The following ANKRD36 variants were observed in gnomAD, a reference collection of about 807,000 sequenced individuals.
ANKRD36 encodes the protein ankyrin repeat domain 36, also known as ankyrin repeat domain-containing protein 36A.
A neutral mutation model predicts 278.1 loss-of-function variants in ANKRD36; 179 were observed. The ratio of observed to expected loss-of-function variants is 0.64; its 90% CI spans 0.57 to 0.73. The LOEUF is 0.73. Ranked by LOEUF, ANKRD36 falls within the 30% of genes least tolerant of loss-of-function variation. The pLI, the probability that ANKRD36 is intolerant of heterozygous loss-of-function variation, is 0.00. For missense variants in ANKRD36, 1,159 were observed against 1,956.7 expected, an observed-to-expected ratio of 0.59 and a Z score of 7.69; for synonymous variants, 320 against 641.1, an observed-to-expected ratio of 0.50 and a Z score of 7.57.
chr2:97,181,682 A>G, intron 25 of ANKRD36, 39 bp from the exon 26 acceptor site: 2 of 1,606,090 alleles, frequency 1.2e-6, no homozygotes, highest in Non-Finnish European at 8.5e-7. Context: ...TATGAAACCT[A>G]CTTTACATAT....
chr2:97,211,462 A>C (rs2064571671), intron 56 of ANKRD36, 84 bp from the exon 57 acceptor site: 2 of 1,554,198 alleles, frequency 1.3e-6, no homozygotes, highest in South Asian at 2.3e-5. Context: ...TGGGGGACAG[A>C]GTTTGATGCT....
At chr2:97,210,144 A>C (rs1281872358) in intron 56 of ANKRD36, among the ~76,000 whole-genome samples, 1 of 151,824 alleles carries the variant, frequency 6.6e-6, no homozygotes, top group Non-Finnish European at 1.5e-5. Flanking sequence ...GAACAACATA[A>C]TTTTACTTTA....
intron 42 of ANKRD36, among the ~76,000 whole-genome samples, chr2:97,196,999 A>T (rs1321177976): frequency 2.6e-5 from 4 of 151,912 alleles, no homozygotes; most frequent in Admixed American, 6.6e-5. Flanking sequence ...CACACTTTGA[A>T]GTTGGGAAGA....
intron 66 of ANKRD36, among the ~76,000 whole-genome samples, chr2:97,224,455 T>TG: frequency 2.0e-5 from 3 of 151,328 alleles, no homozygotes; most frequent in African/African-American, 2.4e-5. Flanking sequence ...TTTTTTTGTT[T>TG]TTTTTTTTTT....
intron 6 of ANKRD36, among the ~76,000 whole-genome samples, chr2:97,141,413 G>C (rs1423569508): frequency 7.3e-5 from 10 of 137,504 alleles, no homozygotes; most frequent in African/African-American, 2.7e-4. Context: ...TGCTGAATCC[G>C]GGAAATGTAG....
intron 17 of ANKRD36, among the ~76,000 whole-genome samples, chr2:97,160,508 A>C (rs1040281203): frequency 2.6e-5 from 4 of 152,180 alleles, no homozygotes; most frequent in African/African-American, 9.6e-5. Flanking sequence ...TGATGTTTCA[A>C]ATAAATTTCT....
intron 34 of ANKRD36, among the ~76,000 whole-genome samples, chr2:97,190,610 A>C (rs186142575): frequency 1.6e-4 from 25 of 151,710 alleles, no homozygotes; most frequent in African/African-American, 4.8e-4. Context: ...CATGAAAGAC[A>C]TGTGGGATCA....
intron 52 of ANKRD36, 109 bp downstream of exon 52, chr2:97,206,244 C>G: frequency 8.2e-7 from 1 of 1,226,102 alleles, no homozygotes; most frequent in Non-Finnish European, 1.1e-6. Flanking sequence ...TCTGATTCAG[C>G]AGGCCGGAGA....
At chr2:97,216,063 G>T (rs959602069) in intron 62 of ANKRD36, among the ~76,000 whole-genome samples, 1 of 151,784 alleles carries the variant, frequency 6.6e-6, no homozygotes, top group African/African-American at 2.4e-5. Flanking sequence ...TGGAATATTT[G>T]CATAAAAGAA....
chr2:97,113,588 T>G lies in ANKRD36; in HGVS notation c.-152T>G. On this transcript the variant is annotated 5_prime_UTR_variant, in exon 1 of 76. Coordinates refer to ENST00000420699, the MANE Select transcript of ANKRD36 (RefSeq NM_001354587.1). ...GCGTGCTCGCTGGTTCTAACCCTTC[T>G]GTTGGGCGTTTCTGCTGAGAGGCGG... is the stretch of plus-strand genomic sequence containing the variant. The G allele has an allele frequency of 1.1e-6, 1 of 946,694 alleles. No homozygotes were observed. The highest frequency in any genetic ancestry group is 2.7e-5 in the East Asian group (1 of 36,656). 58.6% of individuals were successfully genotyped at this position (946,694 alleles called of 1,614,324 possible).
intron 1 of ANKRD36, among the ~76,000 whole-genome samples, chr2:97,116,802 C>T (rs547242350): frequency 5.9e-5 from 9 of 152,126 alleles, no homozygotes; most frequent in Non-Finnish European, 1.2e-4. Context: ...GTGATTATCA[C>T]TATTCCAAAA....
chr2:97,122,784 A>G (rs994387171), intron 3 of ANKRD36, 103 bp from the exon 4 acceptor site: 33 of 1,103,874 alleles, frequency 3.0e-5, no homozygotes, highest in Non-Finnish European at 3.5e-5. Flanking sequence ...TGACCTTTCA[A>G]TTGTATATAT....
intron 66 of ANKRD36, among the ~76,000 whole-genome samples, chr2:97,224,436 G>GTTTTTT (rs1457069314): frequency 3.5e-5 from 5 of 142,466 alleles, no homozygotes; most frequent in Admixed American, 7.6e-5. Context: ...CTATCGTTTT[G>GTTTTTT]TTTTTTTGTT....
At chr2:97,231,164 C>T (rs2071883664) in intron 67 of ANKRD36, among the ~76,000 whole-genome samples, 1 of 152,126 alleles carries the variant, frequency 6.6e-6, no homozygotes, top group African/African-American at 2.4e-5. Flanking sequence ...CCACTGCTGT[C>T]TTCAAAGCTA....
At chr2:97,220,756 A>ATT (rs1229484526) in intron 66 of ANKRD36, among the ~76,000 whole-genome samples, 40 of 66,216 alleles carry the variant, frequency 6.0e-4, no homozygotes, top group East Asian at 3.4e-3. Flanking sequence ...TTAATTTTTA[A>ATT]TTTTCTTTTT....
At chr2:97,116,844 T>C (rs1285221735) in intron 1 of ANKRD36, among the ~76,000 whole-genome samples, 2 of 152,092 alleles carry the variant, frequency 1.3e-5, no homozygotes, top group Non-Finnish European at 2.9e-5. Flanking sequence ...TTTTTCATAA[T>C]AAACTTCCCA....
At chr2:97,200,814 C>G (rs1309110640) in intron 46 of ANKRD36, among the ~76,000 whole-genome samples, 1 of 151,890 alleles carries the variant, frequency 6.6e-6, no homozygotes, top group Non-Finnish European at 1.5e-5. Context: ...AATTCTGTAG[C>G]ATCTTTTCAT....
At chr2:97,211,768 A>C (rs1485359428) in intron 58 of ANKRD36, 27 bp downstream of exon 58, 7 of 1,554,064 alleles carry the variant, frequency 4.5e-6, no homozygotes, top group Non-Finnish European at 6.1e-6. Flanking sequence ...ATTTAATATG[A>C]TGTTCGGTCA....
At chr2:97,176,519 C>G (rs2054307646) in intron 22 of ANKRD36, among the ~76,000 whole-genome samples, 1 of 147,612 alleles carries the variant, frequency 6.8e-6, no homozygotes, top group South Asian at 2.2e-4. Flanking sequence ...CTATGTGTGT[C>G]TCTGCACGTG....
Sources: allele counts gnomAD v4.1 joint callset (sites outside exome capture counted in the v4.1 genomes callset), GRCh38; gene constraint gnomAD v4.1.1; transcripts MANE v1.5; gene names NCBI Gene and HGNC (gene_info 2026-07-23, HGNC 2026-07-21).